PTPRB: variants seen among roughly 807,000 people sequenced by gnomAD.
PTPRB encodes the protein receptor-type tyrosine-protein phosphatase beta.
In PTPRB, 97 loss-of-function variants were observed where a neutral mutation model predicts 238.1. That is an observed-to-expected ratio of 0.41 (90% confidence interval 0.35 to 0.48). The LOEUF (loss-of-function observed/expected upper bound fraction) is 0.48, where lower values mean the gene tolerates loss of function less well. PTPRB is among the 20% of genes least tolerant of loss of function. The probability of loss-of-function intolerance (pLI) is 0.30; values close to 1 mark genes in which losing one functional copy is unlikely to be tolerated. For missense variants in PTPRB, 2,292 were observed against 2,681.9 expected, an observed-to-expected ratio of 0.85 and a Z score of 3.21; for synonymous variants, 970 against 995.4, an observed-to-expected ratio of 0.97 and a Z score of 0.48.
chr12:70,595,322 A>G (rs558498850), intron 5 of PTPRB, among the ~76,000 whole-genome samples: 105 of 152,256 alleles, frequency 6.9e-4, no homozygotes, highest in Admixed American at 9.8e-4. Context: ...TAAGGAAGGG[A>G]TAGCATTAGG....
At chr12:70,545,993 C>T (rs139375328) in intron 21 of PTPRB, among the ~76,000 whole-genome samples, 4,835 of 152,088 alleles carry the variant, frequency 0.032, 164 homozygotes, top group East Asian at 0.15. Flanking sequence ...AAAAATTAGC[C>T]AGGCATGGTG....
chr12:70,621,791 A>C (rs1193639686), intron 3 of PTPRB, among the ~76,000 whole-genome samples: 1 of 152,230 alleles, frequency 6.6e-6, no homozygotes, highest in African/African-American at 2.4e-5. Flanking sequence ...AAACTCTGCA[A>C]GGAAAGCAAA....
At chr12:70,524,623 G>T (rs760379054) in intron 32 of PTPRB, 32 bp from the exon 33 acceptor site, 2 of 1,577,492 alleles carry the variant, frequency 1.3e-6, no homozygotes, top group East Asian at 4.6e-5. Flanking sequence ...TCAGAGGAGG[G>T]CCTGTTCTCA....
chr12:70,588,825 C>T (rs555471024), intron 8 of PTPRB, among the ~76,000 whole-genome samples: 23 of 150,454 alleles, frequency 1.5e-4, no homozygotes, highest in Middle Eastern at 3.6e-3. Context: ...TGGTGGCACA[C>T]GCCTGTAATC....
Position 70,538,952 on chromosome 12 carries a change from C to T in PTPRB, c.5841G>A (p.Gly1947=), listed in dbSNP as rs267603652. ...GCAATATATTGTTGTATCGATTTTT[C>T]CCTCTATTCTCCGGCAAGAGTGCAA... ...CDIALLPENR[G]KNRYNNILPY... is the part of the protein sequence containing the mutation. Residue 1947 remains glycine, a synonymous_variant, in exon 27 of 34, where the codon GGG becomes GGA. Coordinates refer to ENST00000334414, the MANE Select transcript of PTPRB (RefSeq NM_001109754.4). 3 of 1,613,536 alleles carry T rather than the reference C, an allele frequency of 1.9e-6. No individual in the cohort carries two copies. Among genetic ancestry groups the T allele is most frequent in the Admixed American group, 3.3e-5 (2 of 60,002 alleles).
intron 22 of PTPRB, among the ~76,000 whole-genome samples, chr12:70,543,673 C>T (rs990723888): frequency 2.6e-5 from 4 of 152,046 alleles, no homozygotes; most frequent in East Asian, 1.9e-4. Context: ...TTGCAGAACA[C>T]GGATTACAGG....
chr12:70,579,665 C>A (rs903752298), intron 10 of PTPRB, among the ~76,000 whole-genome samples: 3 of 145,498 alleles, frequency 2.1e-5, no homozygotes, highest in Non-Finnish European at 3.0e-5. Context: ...CCACTGCACT[C>A]CAGCCTGGCG....
Position 70,594,453 on chromosome 12 carries a change from T to C in PTPRB, c.1516+14A>G. 6.2e-7 allele frequency: 1 copy of C among 1,611,172 alleles called. No homozygotes were observed. Among genetic ancestry groups the C allele is most frequent in the Non-Finnish European group, 8.5e-7 (1 of 1,177,780 alleles). ...TTCACTTTATTCTTCTTCAGCTAGC[T>C]AGGGGGAACTTACCTGTCCTGACTA... On this transcript the variant is annotated intron_variant, in intron 6 of 33. Transcript: ENST00000334414.
At chr12:70,523,145 A>G (rs1218763621) in intron 33 of PTPRB, among the ~76,000 whole-genome samples, 7 of 151,772 alleles carry the variant, frequency 4.6e-5, no homozygotes, top group Non-Finnish European at 2.9e-5. Flanking sequence ...TACAGTCTTG[A>G]GCCACTATGC....
chr12:70,611,462 T>G (rs3782372), intron 3 of PTPRB, among the ~76,000 whole-genome samples: 3,664 of 152,086 alleles, frequency 0.024, 122 homozygotes, highest in African/African-American at 0.067. Context: ...CTAATTTTTT[T>G]TGTGTGTGTG....
At chr12:70,623,219 T>C (rs1380914116) in intron 2 of PTPRB, among the ~76,000 whole-genome samples, 1 of 152,190 alleles carries the variant, frequency 6.6e-6, no homozygotes, top group Non-Finnish European at 1.5e-5. Flanking sequence ...CTGTATGAGT[T>C]ACAAATGATG....
In PTPRB at chr12:70,524,599, AAAGCAG is replaced by A; in HGVS notation, c.6505-14_6505-9del. 2 of 1,606,908 alleles carry A rather than the reference AAAGCAG, an allele frequency of 1.2e-6. No homozygotes were observed. Among genetic ancestry groups the A allele is most frequent in the Non-Finnish European group, 1.7e-6 (2 of 1,176,684 alleles). ...TAGGTAGACATACTGACACTGTGGA[AAAGCAG>A]AAACATGTCAGAGGAGGGCCTGTTC... On this transcript the variant is annotated splice_polypyrimidine_tract_variant and intron_variant, in intron 32 of 33. Coordinates refer to ENST00000334414, the MANE Select transcript of PTPRB (RefSeq NM_001109754.4).
Position 70,548,741 on chromosome 12 carries a change from C to T in PTPRB, c.5387+4036G>A, listed in dbSNP as rs138828135. Among the ~76,000 whole-genome samples the T allele has an allele frequency of 1.5e-3, 227 of 152,314 alleles. 1 individual carries two copies. Among genetic ancestry groups the T allele is most frequent in the African/African-American group, 5.3e-3 (222 of 41,562 alleles). On this transcript the variant is annotated intron_variant, in intron 21 of 33. Coordinates refer to ENST00000334414, the MANE Select transcript of PTPRB (RefSeq NM_001109754.4). ...CCCAGCCCAGCACTTAGCACCCACC[C>T]ACAGTCCTCTCTCGTCCTATCATCC...
intron 4 of PTPRB, among the ~76,000 whole-genome samples, chr12:70,605,622 T>G (rs1045784033): frequency 6.6e-6 from 1 of 152,178 alleles, no homozygotes. Context: ...TTCCAGTGAG[T>G]TGGTATCTAA....
intron 4 of PTPRB, among the ~76,000 whole-genome samples, chr12:70,606,161 C>T (rs906617235): frequency 6.6e-6 from 1 of 152,170 alleles, no homozygotes; most frequent in Non-Finnish European, 1.5e-5. Flanking sequence ...TCATCATAAC[C>T]GTCTCTCACC....
intron 3 of PTPRB, 126 bp from the exon 4 acceptor site, chr12:70,609,465 C>T (rs1884251669): frequency 3.2e-6 from 4 of 1,264,586 alleles, no homozygotes; most frequent in Non-Finnish European, 4.3e-6. Context: ...TCAGCCAGTC[C>T]TTTTGCCCTC....
intron 21 of PTPRB, 73 bp downstream of exon 21, chr12:70,552,704 C>T: frequency 6.4e-7 from 1 of 1,551,392 alleles, no homozygotes. Context: ...TCGCATGCAT[C>T]AGTTGCTCAG....
chr12:70,534,561 T>A lies in PTPRB; in HGVS notation c.6295A>T (p.Ile2099Phe). 1 of 1,613,298 alleles carries A rather than the reference T, an allele frequency of 6.2e-7. No homozygotes were observed. Among genetic ancestry groups the A allele is most frequent in the East Asian group, 2.2e-5 (1 of 44,862 alleles). The change falls in exon 31 of 34, where the codon ATC (isoleucine) becomes TTC (phenylalanine). Residue 2099 changes from isoleucine to phenylalanine, a missense_variant. By Grantham distance (21) the Ile-to-Phe change is conservative. Transcript: ENST00000334414. Reference sequence around the variant, plus strand: ...TCCCTGACAGTTCTCACAAACTGGATCAGAGACTGGGTGGTTTCTGGGACT... The same window carrying A: ...TCCCTGACAGTTCTCACAAACTGGAACAGAGACTGGGTGGTTTCTGGGACT... ...HGVPETTQSLIQFVRTVRDYI... is the reference protein window; with the variant it reads ...HGVPETTQSLFQFVRTVRDYI...
chr12:70,625,795 T>G (rs1566022719), intron 2 of PTPRB, among the ~76,000 whole-genome samples: 1 of 152,160 alleles, frequency 6.6e-6, no homozygotes, highest in Non-Finnish European at 1.5e-5. Flanking sequence ...GTTACTACAT[T>G]GTTTCCCTAC....
Sources: gnomAD v4.1 joint callset for allele counts (sites outside exome capture counted in the v4.1 genomes callset) on GRCh38, gnomAD v4.1.1 for gene constraint, MANE v1.5 for transcripts, NCBI Gene and HGNC (gene_info 2026-07-23, HGNC 2026-07-21) for gene names.